IL17D: variants seen among roughly 807,000 people sequenced by gnomAD.
IL17D encodes interleukin 17D.
IL17D carries 10 observed loss-of-function variants against 5.7 expected under a neutral mutation model. The observed-to-expected ratio is 1.75, with a 90% CI of 1.08 to 2.97. IL17D has a LOEUF of 2.97. Ranked by LOEUF, IL17D falls within the 30% of genes most tolerant of loss-of-function variation. The probability of loss-of-function intolerance (pLI) is 0.00; values close to 1 mark genes in which losing one functional copy is unlikely to be tolerated. For synonymous variants in IL17D, 172 were observed against 141.7 expected (o/e 1.21, Z -1.52); for missense variants, 354 against 292.7 (o/e 1.21, Z -1.53).
rs916672685 is a variant in IL17D at position 20,716,924 on chromosome 13, C to T, written c.291-4712C>T. On this transcript the variant is annotated intron_variant, in intron 1 of 1. Transcript: ENST00000682841. The surrounding 1 kb of genome is among the most constrained non-coding windows in gnomAD (Gnocchi z 4.2). Reference sequence around the variant, plus strand: ...ATCAAGGCGCGTGTGCCAACCAGCGCCCCAGCTATCCTTGGGCATCAGTTA... The same window carrying T: ...ATCAAGGCGCGTGTGCCAACCAGCGTCCCAGCTATCCTTGGGCATCAGTTA... 5.9e-5 allele frequency among the ~76,000 whole-genome samples: 9 copies of T among 152,230 alleles called. No individual in the cohort carries two copies. Among genetic ancestry groups the T allele is most frequent in the African/African-American group, 1.9e-4 (8 of 41,454 alleles).
chr13:20,708,897 C>T (rs1243547047), intron 1 of IL17D, among the ~76,000 whole-genome samples: 1 of 139,172 alleles, frequency 7.2e-6, no homozygotes, highest in East Asian at 2.1e-4. Flanking sequence ...GGAGGCAGAG[C>T]TTGCAGTGAG....
At chr13:20,708,960 C>CAAAAAAAAAAAAA (rs59047970) in intron 1 of IL17D, among the ~76,000 whole-genome samples, 1 of 65,222 alleles carries the variant, frequency 1.5e-5, no homozygotes. Flanking sequence ...GACTCTGTCT[C>CAAAAAAAAAAAAA]AAAAAAAAAA....
chr13:20,704,403 G>C (rs1164819328), intron 1 of IL17D, 112 bp downstream of exon 1: 3 of 107,998 alleles, frequency 2.8e-5, no homozygotes, highest in Non-Finnish European at 5.8e-5. Flanking sequence ...GTGGGGCGGG[G>C]AAGGGGAGGT....
At chr13:20,721,043 C>T (rs1043363994) in intron 1 of IL17D, among the ~76,000 whole-genome samples, 1 of 152,154 alleles carries the variant, frequency 6.6e-6, no homozygotes, top group Non-Finnish European at 1.5e-5. Context: ...CTTCCTGAGC[C>T]CCCGAACCTC....
In IL17D at chr13:20,709,555, G is replaced by A. The variant is rs530692850; in HGVS notation, c.290+5264G>A. Among the ~76,000 whole-genome samples the A allele has an allele frequency of 3.4e-3, 521 of 152,278 alleles. 3 individuals are homozygous for A. Among genetic ancestry groups the A allele is most frequent in the Middle Eastern group, 0.01 (3 of 294 alleles). On this transcript the variant is annotated intron_variant, in intron 1 of 1. Transcript: ENST00000682841. ...TCTACGTTAAAAGGGAAAATATGAC[G>A]TAATATGTACATATGACACATTCTG...
At chr13:20,718,229 T>C (rs2058693439) in intron 1 of IL17D, among the ~76,000 whole-genome samples, 1 of 152,094 alleles carries the variant, frequency 6.6e-6, no homozygotes, top group Admixed American at 6.5e-5. Flanking sequence ...AGGAGCAAGA[T>C]CACATACAGA....
chr13:20,721,626 C>G lies in IL17D; in HGVS notation c.291-10C>G, dbSNP rs1350371025. 2.5e-6 allele frequency: 4 copies of G among 1,583,460 alleles called. No homozygotes were observed. In the African/African-American group the frequency reaches 4.0e-5, roughly 16 times the overall value. ...CCAGGCGTGACCTCACCCGTGCTCTCTCCCTGCAGAATCTCCTACGACCCG... is the reference window on the plus strand; with the variant it reads ...CCAGGCGTGACCTCACCCGTGCTCTGTCCCTGCAGAATCTCCTACGACCCG... On this transcript the variant is annotated splice_polypyrimidine_tract_variant and intron_variant, in intron 1 of 1. Coordinates refer to ENST00000682841, the MANE Select transcript of IL17D (RefSeq NM_001385224.1).
chr13:20,709,323 T>G (rs936415679), intron 1 of IL17D, among the ~76,000 whole-genome samples: 9 of 152,120 alleles, frequency 5.9e-5, no homozygotes, highest in Non-Finnish European at 4.4e-5. Flanking sequence ...TCAGACACAC[T>G]TGCCCACGTG....
At chr13:20,704,579 G>A (rs1228934220) in intron 1 of IL17D, among the ~76,000 whole-genome samples, 1 of 150,990 alleles carries the variant, frequency 6.6e-6, no homozygotes, top group Non-Finnish European at 1.5e-5. Flanking sequence ...AGCACTGGGG[G>A]GCAATTCCTA....
At chr13:20,703,160 T>C (rs1055421992), upstream of IL17D, 46 of 445,042 alleles carry the variant, frequency 1.0e-4, no homozygotes, top group Non-Finnish European at 2.7e-5. Flanking sequence ...GCACAGGCCC[T>C]GAGCGCGCGA....
chr13:20,710,352 ACC>A (rs1566518476), intron 1 of IL17D, among the ~76,000 whole-genome samples: 1 of 149,216 alleles, frequency 6.7e-6, no homozygotes, highest in Non-Finnish European at 1.5e-5. Flanking sequence ...AGTGGCTCAC[ACC>A]TGTAATCCCA....
At chr13:20,704,343 T>G in intron 1 of IL17D, 52 bp downstream of exon 1, 56 of 120,786 alleles carry the variant, frequency 4.6e-4, no homozygotes, top group Non-Finnish European at 7.4e-4. Context: ...AGGGCAGGGC[T>G]GGGCGGGGAG....
At chr13:20,715,723 T>C (rs546888850) in intron 1 of IL17D, among the ~76,000 whole-genome samples, 8 of 152,256 alleles carry the variant, frequency 5.3e-5, no homozygotes, top group Non-Finnish European at 1.0e-4. Flanking sequence ...TTTTGAAATA[T>C]AGATATATCT....
upstream of IL17D, chr13:20,703,435 G>A (rs12867345): frequency 0.46 from 450,267 of 984,570 alleles, 107,063 homozygotes; most frequent in Non-Finnish European, 0.49. Context: ...TTCTCGGTCC[G>A]AGTCCCCGGG....
intron 1 of IL17D, among the ~76,000 whole-genome samples, chr13:20,709,504 A>G (rs941519027): frequency 2.0e-5 from 3 of 152,186 alleles, no homozygotes; most frequent in African/African-American, 7.2e-5. Flanking sequence ...CAAAGCGGGG[A>G]AAGGGGTATA....
chr13:20,721,750 T>G lies in IL17D; in HGVS notation c.405T>G (p.Pro135=). 2 of 1,610,412 alleles carry G rather than the reference T, an allele frequency of 1.2e-6. No homozygotes were observed. The highest frequency in any genetic ancestry group is 1.7e-6 in the Non-Finnish European group (2 of 1,179,656). The stretch of plus-strand genomic sequence containing the variant: ...AGGACGTGCGCTTCCGCAGCGCCCC[T>G]GTCTACATGCCCACCGTCGTCCTGC... ...GEEDVRFRSA[P]VYMPTVVLRR... Residue 135 remains proline (P), a synonymous_variant, in exon 2 of 2, where the codon CCT becomes CCG. Transcript: ENST00000682841.
chr13:20,702,156 T>C (rs889612843), upstream of IL17D: 1 of 152,220 alleles, frequency 6.6e-6, no homozygotes, highest in Non-Finnish European at 1.5e-5. Flanking sequence ...ATTCCCATTT[T>C]ACTGGAAACA....
intron 1 of IL17D, chr13:20,712,826 T>C (rs548264653): frequency 1.3e-5 from 2 of 152,348 alleles, no homozygotes; most frequent in African/African-American, 4.8e-5. Flanking sequence ...GCGCACTGGC[T>C]GCCCGGGCCG....
Position 20,721,931 on chromosome 13 carries a change from A to G in IL17D, c.586A>G (p.Asn196Asp). 1.9e-6 allele frequency: 3 copies of G among 1,600,072 alleles called. No homozygotes were observed. The highest frequency in any genetic ancestry group is 2.7e-5 in the African/African-American group (2 of 74,864). Reference sequence around the variant, plus strand: ...GGGCGCCAAGCTCCTGCTGGGCCCCAACGACGCGCCCGCTGGCCCCTGAGG... The same window carrying G: ...GGGCGCCAAGCTCCTGCTGGGCCCCGACGACGCGCCCGCTGGCCCCTGAGG... Reference protein sequence around the residue: ...KQGAKLLLGPNDAPAGP With the variant: ...KQGAKLLLGPDDAPAGP Residue 196 changes from asparagine (N) to aspartate (D), a missense_variant, in exon 2 of 2, where the codon AAC (asparagine) becomes GAC (aspartate). Physicochemically the swap from Asn to Asp is conservative, Grantham distance 23. Transcript: ENST00000682841.
Sources: allele counts gnomAD v4.1 joint callset (sites outside exome capture counted in the v4.1 genomes callset), GRCh38; gene constraint gnomAD v4.1.1; non-coding constraint Gnocchi (gnomAD v3.1); transcripts MANE v1.5; gene names NCBI Gene and HGNC (gene_info 2026-07-23, HGNC 2026-07-21).